SLC24A2: variants seen among roughly 807,000 people sequenced by gnomAD.
SLC24A2 encodes the protein sodium/potassium/calcium exchanger 2.
A neutral mutation model predicts 62.0 loss-of-function variants in SLC24A2; 36 were observed. That is an observed-to-expected ratio of 0.58 (90% CI 0.44 to 0.77). The LOEUF (loss-of-function observed/expected upper bound fraction) is 0.77. Ranked by LOEUF, SLC24A2 falls within the 30% of genes least tolerant of loss-of-function variation. SLC24A2 has a pLI of 0.00. For synonymous variants in SLC24A2, 358 were observed against 294.0 expected (o/e 1.22, Z -2.23); for missense variants, 846 against 817.9 (o/e 1.03, Z -0.42).
At chr9:20,036,646 T>C in the SLC24A2 span, among the ~76,000 whole-genome samples, 3 of 152,186 alleles carry the variant, frequency 2.0e-5, no homozygotes, top group African/African-American at 7.2e-5. Flanking sequence ...TTCATGCATG[T>C]TGTCACAAAT....
chr9:19,705,137 C>T (rs1820473796), intron 2 of SLC24A2, among the ~76,000 whole-genome samples: 1 of 152,122 alleles, frequency 6.6e-6, no homozygotes, highest in Non-Finnish European at 1.5e-5. Flanking sequence ...TCCAGCTTCA[C>T]TATTTCTTTG....
At chr9:19,832,762 G>A in the SLC24A2 span, among the ~76,000 whole-genome samples, 1 of 152,152 alleles carries the variant, frequency 6.6e-6, no homozygotes, top group Non-Finnish European at 1.5e-5. Context: ...AAACTAAACA[G>A]CTTCTGCACA....
chr9:19,874,075 C>CTTTTTTTTTTTTTTTT, the SLC24A2 span, among the ~76,000 whole-genome samples: 95 of 107,290 alleles, frequency 8.9e-4, no homozygotes, highest in East Asian at 2.6e-3. Context: ...CTTTTCTTTT[C>CTTTTTTTTTTTTTTTT]TTTTTTTTTT....
chr9:20,270,216 G>C, the SLC24A2 span, among the ~76,000 whole-genome samples: 80 of 152,166 alleles, frequency 5.3e-4, 1 homozygote, highest in African/African-American at 1.9e-3. Flanking sequence ...CTTCCACCAG[G>C]CTTCACTTTC....
the SLC24A2 span, among the ~76,000 whole-genome samples, chr9:20,081,115 A>G: frequency 4.6e-5 from 7 of 152,362 alleles, no homozygotes; most frequent in African/African-American, 1.7e-4. Context: ...TGACCCAGCC[A>G]TCCCATTACT....
the SLC24A2 span, among the ~76,000 whole-genome samples, chr9:20,181,832 A>G: frequency 4.6e-5 from 7 of 152,368 alleles, no homozygotes; most frequent in South Asian, 1.2e-3. Flanking sequence ...AGAAATTATC[A>G]GCAGAATGAA....
At chr9:20,224,555 G>C in the SLC24A2 span, among the ~76,000 whole-genome samples, 3 of 152,062 alleles carry the variant, frequency 2.0e-5, no homozygotes, top group Non-Finnish European at 4.4e-5. Flanking sequence ...TGCTATTGTA[G>C]AAGTTCATAG....
chr9:20,015,692 T>C, the SLC24A2 span, among the ~76,000 whole-genome samples: 1 of 152,346 alleles, frequency 6.6e-6, no homozygotes. Flanking sequence ...CCACTTTCTG[T>C]CTTCTCATAC....
At chr9:20,095,723 T>C in the SLC24A2 span, among the ~76,000 whole-genome samples, 43 of 152,030 alleles carry the variant, frequency 2.8e-4, no homozygotes, top group East Asian at 5.4e-3. Flanking sequence ...TTCGTTTTCA[T>C]GCTGTTAATA....
rs1210260886 is a variant in SLC24A2 at position 19,567,116 on chromosome 9, AT to A, written c.1347+6234del. On this transcript the variant is annotated intron_variant, in intron 7 of 10. Coordinates refer to ENST00000341998, the MANE Select transcript of SLC24A2 (RefSeq NM_020344.4). ...TAGAACTTAAAGTATAATAAAAAAAATATATATATAAAAGAACTTAAAGTAT... is the reference window on the plus strand; with the variant it reads ...TAGAACTTAAAGTATAATAAAAAAAAATATATATAAAAGAACTTAAAGTAT... Among the ~76,000 whole-genome samples, 59 of 150,688 alleles carry A rather than the reference AT, an allele frequency of 3.9e-4. 1 individual carries two copies. Among genetic ancestry groups the A allele is most frequent in the Middle Eastern group, 3.4e-3 (1 of 294 alleles).
the SLC24A2 span, among the ~76,000 whole-genome samples, chr9:19,974,077 T>C: frequency 6.6e-6 from 1 of 152,184 alleles, no homozygotes. Context: ...AATTAGATTA[T>C]GTAATATATG....
the SLC24A2 span, among the ~76,000 whole-genome samples, chr9:19,924,376 A>G: frequency 0.013 from 2,007 of 152,046 alleles, 47 homozygotes; most frequent in African/African-American, 0.046. Flanking sequence ...CTTTTGGGGG[A>G]GTCCACCACC....
chr9:19,574,661 T>C (rs917462155), intron 6 of SLC24A2, among the ~76,000 whole-genome samples: 81 of 152,304 alleles, frequency 5.3e-4, no homozygotes, highest in African/African-American at 1.9e-3. Context: ...CCAAGAAGCA[T>C]AAACTATTTG....
chr9:20,185,140 G>T, the SLC24A2 span, among the ~76,000 whole-genome samples: 1 of 152,198 alleles, frequency 6.6e-6, no homozygotes, highest in East Asian at 1.9e-4. Context: ...ATTGTATTTA[G>T]AGAGGAGGAA....
chr9:20,142,761 A>G, the SLC24A2 span, among the ~76,000 whole-genome samples: 1 of 151,956 alleles, frequency 6.6e-6, no homozygotes, highest in Non-Finnish European at 1.5e-5. Flanking sequence ...ACGCCCAGCT[A>G]ATTTTTGTAT....
the SLC24A2 span, among the ~76,000 whole-genome samples, chr9:20,213,210 C>G: frequency 6.6e-6 from 1 of 151,750 alleles, no homozygotes; most frequent in Non-Finnish European, 1.5e-5. Flanking sequence ...AAATTCCACC[C>G]ATTTGGAAGT....
intron 8 of SLC24A2, 55 bp from the exon 9 acceptor site, chr9:19,528,193 C>A (rs1156387322): frequency 2.5e-6 from 3 of 1,181,876 alleles, no homozygotes; most frequent in African/African-American, 1.5e-5. Context: ...TGAGACTGAT[C>A]TGGAAATCCA....
rs1479883788 is a variant in SLC24A2, at chr9:19,707,247, A to C, written c.930+78690T>G. ...TGAATAGACCAATAACAGGCTCTGA[A>C]ATTGTGGCAATAATCAATAGCTTAC... On this transcript the variant is annotated intron_variant, in intron 2 of 10. Coordinates refer to ENST00000341998, the MANE Select transcript of SLC24A2 (RefSeq NM_020344.4). Among the ~76,000 whole-genome samples, 3 of 152,324 alleles carry C rather than the reference A, an allele frequency of 2.0e-5. No individual in the cohort carries two copies. In the East Asian group the frequency reaches 5.8e-4, roughly 29 times the overall value.
the SLC24A2 span, among the ~76,000 whole-genome samples, chr9:19,913,495 T>C: frequency 5.3e-3 from 806 of 152,118 alleles, 14 homozygotes; most frequent in African/African-American, 0.018. Context: ...TGAGGATAAA[T>C]AAGCAGAGAA....
Sources: allele counts gnomAD v4.1 joint callset (sites outside exome capture counted in the v4.1 genomes callset), GRCh38; gene constraint gnomAD v4.1.1; transcripts MANE v1.5; gene names NCBI Gene and HGNC (gene_info 2026-07-23, HGNC 2026-07-21).